B3GNT3: variants seen among roughly 807,000 people sequenced by gnomAD.
B3GNT3 encodes N-acetyllactosaminide beta-1,3-N-acetylglucosaminyltransferase 3.
Under a neutral mutation model 11.6 loss-of-function variants are expected in B3GNT3, and 7 were observed. That is an observed-to-expected ratio of 0.60 (90% CI 0.34 to 1.13). B3GNT3 has a LOEUF of 1.13. Among genes scored for constraint, B3GNT3 ranks in the 50% most tolerant of loss-of-function variants. B3GNT3 has a pLI of 0.03. For synonymous variants in B3GNT3, 201 were observed against 222.1 expected, an observed-to-expected ratio of 0.90 and a Z score of 0.85; for missense variants, 400 against 507.4, an observed-to-expected ratio of 0.79 and a Z score of 2.03.
At position 17,807,773 on chromosome 19, in the gene B3GNT3, C is replaced by T. The variant is rs774417122; in HGVS notation, c.-35C>T. The T allele has an allele frequency of 7.6e-6, 12 of 1,574,448 alleles. No homozygotes were observed. In the Admixed American group the frequency reaches 2.0e-4, roughly 26 times the overall value. On this transcript the variant is annotated 5_prime_UTR_variant, in exon 2 of 3. Coordinates refer to ENST00000318683, the MANE Select transcript of B3GNT3 (RefSeq NM_014256.4). ...TTTTCCACAGGAGCCGCCCAGGAGG[C>T]TCCTCAGGCCGACCCCAGACCCTGG...
chr19:17,805,224 C>T (rs886919900), intron 1 of B3GNT3, among the ~76,000 whole-genome samples: 2 of 151,692 alleles, frequency 1.3e-5, no homozygotes, highest in Admixed American at 6.6e-5. Context: ...CTCAACCTCC[C>T]GCATAGCTAG....
chr19:17,808,200 C>A lies in B3GNT3; in HGVS notation c.393C>A (p.Gly131=). ...GCGAGCTGCTGCGGCGCACGTGGGG[C>A]CGCGAGCGCAAGGTACGGGGTTTGC... The part of the protein sequence containing the change: ...VRRELLRRTW[G]RERKVRGLQL... Residue 131 remains glycine (G), a synonymous_variant, in exon 2 of 3, where the codon GGC becomes GGA. Transcript: ENST00000318683. The A allele has an allele frequency of 6.2e-7, 1 of 1,611,564 alleles. No individual in the cohort carries two copies. Among genetic ancestry groups the A allele is most frequent in the Non-Finnish European group, 8.5e-7 (1 of 1,178,260 alleles).
chr19:17,795,495 C>CTAA (rs2094158543), intron 1 of B3GNT3, among the ~76,000 whole-genome samples: 1 of 152,224 alleles, frequency 6.6e-6, no homozygotes, highest in African/African-American at 2.4e-5. Flanking sequence ...ATCAGACCCC[C>CTAA]GAGGCGGATG....
chr19:17,812,574 T>C lies in B3GNT3; in HGVS notation c.*452T>C, dbSNP rs2147657170. The stretch of plus-strand genomic sequence containing the variant: ...GTCCACATAGAGCTGACGTGAGAAA[T>C]ATCTTTCAGCCCAGGAGAGAGGGGT... On this transcript the variant is annotated 3_prime_UTR_variant, in exon 3 of 3. Coordinates refer to ENST00000318683, the MANE Select transcript of B3GNT3 (RefSeq NM_014256.4). 6.0e-6 allele frequency: 1 copy of C among 166,160 alleles called. No individual in the cohort carries two copies. The highest frequency in any genetic ancestry group is 3.2e-3 in the Middle Eastern group (1 of 314). 10.3% of individuals were successfully genotyped at this position (166,160 alleles called of 1,614,324 possible).
intron 1 of B3GNT3, among the ~76,000 whole-genome samples, chr19:17,805,631 C>T (rs891660820): frequency 1.3e-5 from 2 of 152,148 alleles, no homozygotes; most frequent in Non-Finnish European, 2.9e-5. Context: ...TTGTATCCAT[C>T]TCAGGGCCTT....
rs2094157947 is a variant in B3GNT3 at position 17,795,144 on chromosome 19, T to A, written c.-113T>A. The A allele has an allele frequency of 6.6e-6, 1 of 152,444 alleles. No homozygotes were observed. The highest frequency in any genetic ancestry group is 1.5e-5 in the Non-Finnish European group (1 of 68,190). 9.4% of individuals were successfully genotyped at this position (152,444 alleles called of 1,614,324 possible). On this transcript the variant is annotated 5_prime_UTR_variant, in exon 1 of 3. Transcript: ENST00000318683. ...GGAGCTCTGGCTCAGGTAAAAACTC[T>A]TTCTTCGGCTCGCGAGCTGAGAGGA...
At chr19:17,797,814 A>G (rs566957342) in intron 1 of B3GNT3, among the ~76,000 whole-genome samples, 1 of 147,916 alleles carries the variant, frequency 6.8e-6, no homozygotes, top group East Asian at 2.0e-4. Context: ...TAAAGGATTT[A>G]CTGGGCTATT....
intron 1 of B3GNT3, among the ~76,000 whole-genome samples, chr19:17,806,123 A>G (rs1210596578): frequency 6.6e-6 from 1 of 151,174 alleles, no homozygotes; most frequent in Non-Finnish European, 1.5e-5. Flanking sequence ...ACCCATCACC[A>G]TGCCTGGCTA....
intron 1 of B3GNT3, among the ~76,000 whole-genome samples, chr19:17,802,470 A>T (rs1599845068): frequency 6.6e-6 from 1 of 152,138 alleles, no homozygotes; most frequent in Non-Finnish European, 1.5e-5. Flanking sequence ...GATGGACAGG[A>T]GAGAAGCGAA....
chr19:17,810,611 G>A (rs1446547650), intron 2 of B3GNT3, among the ~76,000 whole-genome samples: 3 of 151,898 alleles, frequency 2.0e-5, no homozygotes, highest in African/African-American at 4.8e-5. Flanking sequence ...GTCAGGCACG[G>A]TGGCTCACAC....
chr19:17,806,871 G>A (rs911754368), intron 1 of B3GNT3, among the ~76,000 whole-genome samples: 2 of 150,286 alleles, frequency 1.3e-5, no homozygotes, highest in South Asian at 2.1e-4. Context: ...AGGATCGCTC[G>A]TATGCAGGAG....
Position 17,807,920 on chromosome 19 carries a change from A to T in B3GNT3, c.113A>T (p.Glu38Val), listed in dbSNP as rs1306119417. The T allele has an allele frequency of 2.5e-6, 4 of 1,613,044 alleles. No homozygotes were observed. Among genetic ancestry groups the T allele is most frequent in the Non-Finnish European group, 3.4e-6 (4 of 1,179,876 alleles). Residue 38 changes from glutamate (E) to valine (V), a missense_variant, in exon 2 of 3, where the codon GAG (glutamate) becomes GTG (valine). Coordinates refer to ENST00000318683, the MANE Select transcript of B3GNT3 (RefSeq NM_014256.4). ...LVSPPTCKVQ[E>V]QPPAIPEALA... ...TCACCACCCACCTGCAAGGTCCAGG[A>T]GCAGCCACCGGCGATCCCCGAGGCC...
chr19:17,796,460 C>T (rs1450605012), intron 1 of B3GNT3, among the ~76,000 whole-genome samples: 38 of 152,196 alleles, frequency 2.5e-4, no homozygotes, highest in Non-Finnish European at 7.4e-5. Flanking sequence ...GCGGGGGACT[C>T]CTGCAGTCCA....
Position 17,813,357 on chromosome 19 carries a change from C to T in B3GNT3, c.*1235C>T, listed in dbSNP as rs935904109. ...CCCAGCTATACTTGGGAGGCTGAGG[C>T]GAGAGGATCGCTTGAGCCCAGGAGT... On this transcript the variant is annotated 3_prime_UTR_variant, in exon 3 of 3. Transcript: ENST00000318683. 2.0e-5 allele frequency among the ~76,000 whole-genome samples: 3 copies of T among 151,784 alleles called. No homozygotes were observed. The highest frequency in any genetic ancestry group is 2.9e-5 in the Non-Finnish European group (2 of 67,956).
At chr19:17,810,167 G>T (rs2094178777) in intron 2 of B3GNT3, among the ~76,000 whole-genome samples, 1 of 152,086 alleles carries the variant, frequency 6.6e-6, no homozygotes, top group African/African-American at 2.4e-5. Context: ...GCGGGTAGGG[G>T]CCATGGCCTC....
At chr19:17,809,494 T>C (rs2147654338) in intron 2 of B3GNT3, among the ~76,000 whole-genome samples, 1 of 152,056 alleles carries the variant, frequency 6.6e-6, no homozygotes. Context: ...TCCCCCAGGC[T>C]GGAGTGCAGT....
At position 17,807,999 on chromosome 19, in the gene B3GNT3, C is replaced by T; in HGVS notation, c.192C>T (p.Asn64=). 1.4e-6 allele frequency: 2 copies of T among 1,470,650 alleles called. No individual in the cohort carries two copies. The highest frequency in any genetic ancestry group is 1.8e-6 in the Non-Finnish European group (2 of 1,085,366). 91.1% of individuals were successfully genotyped at this position (1,470,650 alleles called of 1,614,324 possible). ...TRPAPAPCHA[N]TSMVTHPDFA... ...CAGCCCCGGCCCCGTGCCATGCCAA[C>T]ACCTCTATGGTCACCCACCCGGACT... The change falls in exon 2 of 3, where the codon AAC becomes AAT. Residue 64 remains asparagine (N), a synonymous_variant. Transcript: ENST00000318683.
intron 1 of B3GNT3, among the ~76,000 whole-genome samples, chr19:17,798,487 G>A (rs1312560348): frequency 2.0e-5 from 3 of 151,872 alleles, no homozygotes; most frequent in South Asian, 2.1e-4. Context: ...CCTAGGTGAC[G>A]TGGTGAAACC....
At chr19:17,796,029 A>T (rs985860609) in intron 1 of B3GNT3, among the ~76,000 whole-genome samples, 3 of 152,010 alleles carry the variant, frequency 2.0e-5, no homozygotes, top group Non-Finnish European at 4.4e-5. Context: ...GTTCAGATTC[A>T]CTCCTGTTCC....
Sources: gnomAD v4.1 joint callset for allele counts (sites outside exome capture counted in the v4.1 genomes callset) on GRCh38, gnomAD v4.1.1 for gene constraint, MANE v1.5 for transcripts, NCBI Gene and HGNC (gene_info 2026-07-23, HGNC 2026-07-21) for gene names.